Variants in AGO2 observed in about 807,000 individuals in gnomAD.
AGO2 encodes the protein argonaute RISC catalytic component 2, also known as protein argonaute-2.
AGO2 carries 5 observed loss-of-function variants against 102.3 expected under a neutral mutation model. The observed-to-expected ratio is 0.05, with a 90% CI of 0.03 to 0.10. The LOEUF is 0.10. Among genes scored for constraint, AGO2 ranks in the 10% least tolerant of loss-of-function variants. The pLI, the probability that AGO2 is intolerant of heterozygous loss-of-function variation, is 1.00. For missense variants in AGO2, 541 were observed against 1,183.7 expected (o/e 0.46, Z 7.97); for synonymous variants, 449 against 473.1 (o/e 0.95, Z 0.66).
chr8:140,607,157 G>A (rs1451507090), intron 1 of AGO2, among the ~76,000 whole-genome samples: 1 of 152,080 alleles, frequency 6.6e-6, no homozygotes, highest in East Asian at 1.9e-4. Context: ...GCTGAGGCAG[G>A]AGAATCGCTT....
At chr8:140,571,347 C>T (rs1475792170) in intron 3 of AGO2, among the ~76,000 whole-genome samples, 2 of 152,246 alleles carry the variant, frequency 1.3e-5, no homozygotes, top group African/African-American at 4.8e-5. Context: ...CTGAAAGGAG[C>T]TTATTCATTT....
rs1278242953 is a variant in AGO2, at chr8:140,528,198, G to A, written c.*3846C>T. On this transcript the variant is annotated 3_prime_UTR_variant, in exon 19 of 19. Transcript: ENST00000220592. This position sits in a 1 kb window ranked among gnomAD's most constrained non-coding sequence, Gnocchi z 4.5. Reference sequence around the variant, plus strand: ...GTGGCTTTCAAAAATAAATCATCCAGCAAACTTGAAGGTAAACATTAGGCA... The same window carrying A: ...GTGGCTTTCAAAAATAAATCATCCAACAAACTTGAAGGTAAACATTAGGCA... The A allele has an allele frequency of 6.6e-6, 1 of 152,176 alleles. No homozygotes were observed. The highest frequency in any genetic ancestry group is 1.5e-5 in the Non-Finnish European group (1 of 68,040). 9.4% of individuals were successfully genotyped at this position (152,176 alleles called of 1,614,324 possible).
rs1039054809 is a variant in AGO2, at chr8:140,523,600, A to G, written c.*8444T>C. On this transcript the variant is annotated 3_prime_UTR_variant, in exon 19 of 19. Transcript: ENST00000220592. The stretch of plus-strand genomic sequence containing the variant: ...TTCTCTCAAAACTTTTTAAAAAATA[A>G]AAACTTGCTTGCCTCTACAGTTATA... 1 of 152,202 alleles carries G rather than the reference A, an allele frequency of 6.6e-6. No individual in the cohort carries two copies. Among genetic ancestry groups the G allele is most frequent in the Admixed American group, 6.5e-5 (1 of 15,286 alleles). The allele number at this position is 152,202 out of a possible 1,614,324, so 9.4% of individuals were successfully genotyped here.
intron 1 of AGO2, among the ~76,000 whole-genome samples, chr8:140,624,369 A>G (rs779963026): frequency 6.6e-6 from 1 of 152,224 alleles, no homozygotes; most frequent in Non-Finnish European, 1.5e-5. Flanking sequence ...CAGGGCACAG[A>G]GCCGGCGTGC....
At chr8:140,573,009 A>ATTTT in intron 2 of AGO2, 77 bp from the exon 3 acceptor site, 4 of 1,252,554 alleles carry the variant, frequency 3.2e-6, no homozygotes, top group Non-Finnish European at 4.2e-6. Context: ...TTCTGACGCT[A>ATTTT]TTTTTTTTTT....
Position 140,630,303 on chromosome 8 carries a change from A to G in AGO2, c.22+5182T>C, listed in dbSNP as rs1424413395. Among the ~76,000 whole-genome samples the G allele has an allele frequency of 3.6e-4, 55 of 152,288 alleles. 1 individual carries two copies. Among genetic ancestry groups the G allele is most frequent in the Non-Finnish European group, 1.3e-4 (9 of 68,032 alleles). On this transcript the variant is annotated intron_variant, in intron 1 of 18. Coordinates refer to ENST00000220592, the MANE Select transcript of AGO2 (RefSeq NM_012154.5). ...CTTGTGTCTGCCTTTCGTACCAGGG[A>G]AAGCTTACAGGTGCCCACTGCCCTG...
chr8:140,599,825 G>A (rs539567733), intron 1 of AGO2, among the ~76,000 whole-genome samples: 10 of 152,232 alleles, frequency 6.6e-5, no homozygotes, highest in East Asian at 3.9e-4. Flanking sequence ...GGGTTCAAGC[G>A]ATCCTCCTGC....
intron 1 of AGO2, among the ~76,000 whole-genome samples, chr8:140,585,997 T>C (rs1005388528): frequency 2.0e-5 from 3 of 152,264 alleles, no homozygotes; most frequent in African/African-American, 7.2e-5. Context: ...GTTTGTTTCC[T>C]ATGAGAAAAC....
intron 1 of AGO2, among the ~76,000 whole-genome samples, chr8:140,587,255 G>A (rs377537671): frequency 2.0e-5 from 3 of 152,166 alleles, no homozygotes; most frequent in African/African-American, 7.2e-5. Context: ...AAAACACAGC[G>A]GTAATTCATA....
In AGO2 at chr8:140,556,277, T is replaced by C; in HGVS notation, c.1036A>G (p.Ile346Val). ...HTYLPLEVCN[I>V]VAGQRCIKKL... ...TTAATACATCTTTGTCCTGCCACAA[T>C]GTTACAGACCTGTGAAGAGGACGTA... Residue 346 changes from isoleucine (I) to valine (V), a missense_variant, in exon 9 of 19, where the codon ATT (isoleucine) becomes GTT (valine). By Grantham distance (29) the Ile-to-Val change is conservative. Around this residue, in one of 6 missense-constraint regions of AGO2, gnomAD observed 309 missense variants for 735.1 expected, o/e 0.42. Coordinates refer to ENST00000220592, the MANE Select transcript of AGO2 (RefSeq NM_012154.5). 6.2e-7 allele frequency: 1 copy of C among 1,614,204 alleles called. No homozygotes were observed.
At chr8:140,603,732 C>G (rs2073960131) in intron 1 of AGO2, among the ~76,000 whole-genome samples, 1 of 152,222 alleles carries the variant, frequency 6.6e-6, no homozygotes, top group South Asian at 2.1e-4. Context: ...CAGACTCCCT[C>G]AAGAGGGGCT....
rs145964646 is a variant in AGO2 at position 140,557,409 on chromosome 8, C to T, written c.879-173G>A. 3.7e-3 allele frequency among the ~76,000 whole-genome samples: 561 copies of T among 152,280 alleles called. 4 individuals are homozygous for T. The highest frequency in any genetic ancestry group is 0.013 in the African/African-American group (522 of 41,538). ...GGGTTATCTGGAATGTTTCTGAGCC[C>T]CTAAATTCTCATTTTGTTTCTGGAG... On this transcript the variant is annotated intron_variant, in intron 7 of 18. Coordinates refer to ENST00000220592, the MANE Select transcript of AGO2 (RefSeq NM_012154.5). The surrounding 1 kb of genome is among the most constrained non-coding windows in gnomAD (Gnocchi z 5.9).
intron 3 of AGO2, chr8:140,572,375 G>GT (rs1316361136): frequency 6.5e-6 from 1 of 153,860 alleles, no homozygotes; most frequent in East Asian, 1.9e-4. Flanking sequence ...TGGAGATGGA[G>GT]TCTCATTCTG....
intron 1 of AGO2, among the ~76,000 whole-genome samples, chr8:140,597,112 A>C (rs1199720886): frequency 2.6e-5 from 4 of 152,320 alleles, no homozygotes; most frequent in South Asian, 4.1e-4. Flanking sequence ...ATAGAAGAAA[A>C]AAAAACTCAG....
chr8:140,595,507 G>A (rs1004644672), intron 1 of AGO2, among the ~76,000 whole-genome samples: 30 of 148,328 alleles, frequency 2.0e-4, no homozygotes, highest in Admixed American at 1.5e-3. Flanking sequence ...CTCTGTTGCC[G>A]AAGCTGAAGT....
intron 4 of AGO2, among the ~76,000 whole-genome samples, chr8:140,561,233 G>A (rs1015860542): frequency 8.5e-5 from 13 of 152,352 alleles, no homozygotes; most frequent in South Asian, 4.1e-4. Context: ...GGGAGGCGCC[G>A]TCACTAATGA....
chr8:140,538,269 TC>T (rs1381724212), intron 16 of AGO2, among the ~76,000 whole-genome samples: 2 of 152,230 alleles, frequency 1.3e-5, no homozygotes, highest in African/African-American at 2.4e-5. Flanking sequence ...AAGTATTCTT[TC>T]CTGGGTGCCA....
Position 140,521,067 on chromosome 8 carries a change from C to T in AGO2, c.*10977G>A, listed in dbSNP as rs985275146. 1.3e-5 allele frequency: 2 copies of T among 152,056 alleles called. No homozygotes were observed. Among genetic ancestry groups the T allele is most frequent in the South Asian group, 4.2e-4 (2 of 4,814 alleles). 9.4% of individuals were successfully genotyped at this position (152,056 alleles called of 1,614,324 possible). ...CAAAACAAAATGCTACATGTAAAAG[C>T]TAAAGAAAGAAAATGCAGCATATTC... On this transcript the variant is annotated 3_prime_UTR_variant, in exon 19 of 19. Coordinates refer to ENST00000220592, the MANE Select transcript of AGO2 (RefSeq NM_012154.5).
intron 2 of AGO2, among the ~76,000 whole-genome samples, chr8:140,584,740 T>C (rs2073623725): frequency 6.6e-6 from 1 of 152,140 alleles, no homozygotes; most frequent in African/African-American, 2.4e-5. Context: ...TATACAGACC[T>C]GGAAACTAAT....
Sources: allele counts gnomAD v4.1 joint callset (sites outside exome capture counted in the v4.1 genomes callset), GRCh38; gene constraint gnomAD v4.1.1; regional missense constraint gnomAD v4.1.1; non-coding constraint Gnocchi (gnomAD v3.1); transcripts MANE v1.5; gene names NCBI Gene and HGNC (gene_info 2026-07-23, HGNC 2026-07-21).